KIF26B: variants seen among roughly 807,000 people sequenced by gnomAD.
KIF26B encodes the protein kinesin-like protein KIF26B.
Under a neutral mutation model 151.2 loss-of-function variants are expected in KIF26B, and 63 were observed. That is an observed-to-expected ratio of 0.42 (90% CI 0.34 to 0.51). KIF26B has a LOEUF of 0.51. Ranked by LOEUF, KIF26B falls within the 20% of genes least tolerant of loss-of-function variation. The probability of loss-of-function intolerance (pLI) is 0.07; values close to 1 mark genes in which losing one functional copy is unlikely to be tolerated. For missense variants in KIF26B, 2,813 were observed against 2,913.6 expected (o/e 0.97, Z 0.79); for synonymous variants, 1,357 against 1,262.1 (o/e 1.08, Z -1.59).
At position 245,167,210 on chromosome 1, in the gene KIF26B, G is replaced by C. The variant is rs1480913289; in HGVS notation, c.465+10527G>C. On this transcript the variant is annotated intron_variant, in intron 2 of 14. Coordinates refer to ENST00000407071, the MANE Select transcript of KIF26B (RefSeq NM_018012.4). The surrounding 1 kb of genome is among the most constrained non-coding windows in gnomAD (Gnocchi z 4.2). ...TGTTTTTTTTTTTGCTTGAAAGCATGAGCTGCAAATAATAAATTAAAATCC... is the reference window on the plus strand; with the variant it reads ...TGTTTTTTTTTTTGCTTGAAAGCATCAGCTGCAAATAATAAATTAAAATCC... 1.3e-5 allele frequency among the ~76,000 whole-genome samples: 2 copies of C among 151,494 alleles called. No individual in the cohort carries two copies. The highest frequency in any genetic ancestry group is 2.9e-5 in the Non-Finnish European group (2 of 67,940).
chr1:245,409,710 T>G (rs556356876), intron 3 of KIF26B, among the ~76,000 whole-genome samples: 12 of 152,240 alleles, frequency 7.9e-5, no homozygotes, highest in Admixed American at 7.8e-4. Context: ...CATCCTGGCC[T>G]GGGGTGCTGG....
intron 2 of KIF26B, among the ~76,000 whole-genome samples, chr1:245,337,134 T>TTTTATTTATTTA (rs59391704): frequency 6.8e-6 from 1 of 148,138 alleles, no homozygotes; most frequent in Non-Finnish European, 1.5e-5. Context: ...CATTTAGAAG[T>TTTTATTTATTTA]TTTATTTATT....
Position 245,324,102 on chromosome 1 carries a change from A to G in KIF26B, c.466-42732A>G, listed in dbSNP as rs12741226. On this transcript the variant is annotated intron_variant, in intron 2 of 14. Transcript: ENST00000407071. ...GGGGTGGGCCCTGCCATGGGTGGTG[A>G]GAGGTAGAGTTGGTGTGGACTCTGC... Among the ~76,000 whole-genome samples the G allele has an allele frequency of 8.6e-3, 508 of 59,132 alleles. 9 individuals are homozygous for G. Among genetic ancestry groups the G allele is most frequent in the African/African-American group, 0.027 (392 of 14,686 alleles). 38.8% of individuals were successfully genotyped at this position (59,132 alleles called of 152,430 possible). A position where few individuals can be genotyped will look rare whatever the true frequency, so the allele number is the denominator to read the frequency against.
At chr1:245,189,479 G>A (rs1669057105) in intron 2 of KIF26B, among the ~76,000 whole-genome samples, 1 of 152,184 alleles carries the variant, frequency 6.6e-6, no homozygotes, top group South Asian at 2.1e-4. Flanking sequence ...AAGAAGCAAT[G>A]TTTACAGACG....
At chr1:245,364,435 T>C (rs1269236987) in intron 2 of KIF26B, among the ~76,000 whole-genome samples, 3 of 147,318 alleles carry the variant, frequency 2.0e-5, no homozygotes, top group African/African-American at 5.0e-5. Flanking sequence ...TTTTTTTTTT[T>C]TTTTTTTTTT....
In KIF26B at chr1:245,612,101, TGTGTGA is replaced by T. The variant is rs878905761; in HGVS notation, c.2098+127_2098+132del. 1,878 of 497,668 alleles carry T rather than the reference TGTGTGA, an allele frequency of 3.8e-3. 4 individuals carry two copies. The highest frequency in any genetic ancestry group is 0.013 in the African/African-American group (584 of 44,014). 30.8% of individuals were successfully genotyped at this position (497,668 alleles called of 1,614,324 possible). ...GTGTGTGTGTGTGTGTGTGTGTGTG[TGTGTGA>T]GAGAGAGAGAGAGAGAGAGAGAGAC... On this transcript the variant is annotated intron_variant, in intron 9 of 14. Transcript: ENST00000407071.
intron 2 of KIF26B, among the ~76,000 whole-genome samples, chr1:245,338,854 A>G (rs1672283817): frequency 6.6e-6 from 1 of 152,182 alleles, no homozygotes; most frequent in South Asian, 2.1e-4. Context: ...ATAAGATCCT[A>G]GCAGTCAGAA....
chr1:245,311,929 C>A (rs1405149636), intron 2 of KIF26B, among the ~76,000 whole-genome samples: 1 of 152,216 alleles, frequency 6.6e-6, no homozygotes, highest in Non-Finnish European at 1.5e-5. Context: ...GACTCCATCT[C>A]AGAAAAAGAA....
intron 2 of KIF26B, among the ~76,000 whole-genome samples, chr1:245,338,545 T>C (rs1424791359): frequency 2.0e-5 from 3 of 152,240 alleles, no homozygotes; most frequent in Non-Finnish European, 4.4e-5. Flanking sequence ...TTGCACGCAT[T>C]ACCAAGTGAT....
At chr1:245,303,392 GT>G (rs1245570695) in intron 2 of KIF26B, among the ~76,000 whole-genome samples, 2 of 150,746 alleles carry the variant, frequency 1.3e-5, no homozygotes, top group Non-Finnish European at 1.5e-5. Flanking sequence ...TAGAGACGGG[GT>G]TTCACCGTGT....
chr1:245,301,167 G>A (rs1671422963), intron 2 of KIF26B, among the ~76,000 whole-genome samples: 1 of 152,156 alleles, frequency 6.6e-6, no homozygotes, highest in Non-Finnish European at 1.5e-5. Context: ...TGAAATGACA[G>A]CGGATGGCCA....
intron 2 of KIF26B, among the ~76,000 whole-genome samples, chr1:245,310,239 A>G (rs778351652): frequency 1.3e-5 from 2 of 151,954 alleles, no homozygotes; most frequent in South Asian, 2.1e-4. Flanking sequence ...CAAACATTCC[A>G]TATGCCAAGA....
intron 10 of KIF26B, among the ~76,000 whole-genome samples, chr1:245,647,200 T>C (rs577366686): frequency 1.1e-4 from 16 of 151,398 alleles, no homozygotes; most frequent in Non-Finnish European, 1.6e-4. Context: ...CCGAGGCGGG[T>C]GGATCACAAG....
chr1:245,527,852 A>G (rs1414512116), intron 4 of KIF26B, among the ~76,000 whole-genome samples: 1 of 151,980 alleles, frequency 6.6e-6, no homozygotes. Context: ...TTTTTAATGC[A>G]TGTTTAAATG....
chr1:245,207,223 T>C (rs1245843739), intron 2 of KIF26B, among the ~76,000 whole-genome samples: 1 of 152,066 alleles, frequency 6.6e-6, no homozygotes, highest in Non-Finnish European at 1.5e-5. Context: ...AAAAAAGAGA[T>C]TTCTCAGCAA....
chr1:245,687,963 G>A lies in KIF26B; in HGVS notation c.4980G>A (p.Glu1660=), dbSNP rs2044556900. 1.9e-6 allele frequency: 3 copies of A among 1,587,528 alleles called. No homozygotes were observed. The highest frequency in any genetic ancestry group is 1.7e-4 in the Middle Eastern group (1 of 6,050). ...SSSKLFSAKL[E]QLASRSNSLG... The stretch of plus-strand genomic sequence containing the variant: ...GCAAGCTCTTCAGTGCCAAGCTGGA[G>A]CAGCTGGCCAGCAGAAGCAACTCGC... Residue 1660 remains glutamate, a synonymous_variant, in exon 12 of 15, where the codon GAG becomes GAA. Transcript: ENST00000407071. The surrounding 1 kb of genome is among the most constrained non-coding windows in gnomAD (Gnocchi z 4.9).
chr1:245,575,840 A>G (rs1346533248), intron 5 of KIF26B, among the ~76,000 whole-genome samples: 1 of 152,100 alleles, frequency 6.6e-6, no homozygotes, highest in Non-Finnish European at 1.5e-5. Flanking sequence ...TTCATGAATG[A>G]CTTCTTGAAC....
chr1:245,547,002 G>A (rs943387401), intron 5 of KIF26B, among the ~76,000 whole-genome samples: 2 of 152,348 alleles, frequency 1.3e-5, no homozygotes, highest in Middle Eastern at 3.4e-3. Flanking sequence ...AATCTTCGCG[G>A]TTTCTTTTTT....
chr1:245,604,322 G>C (rs2043427194), intron 6 of KIF26B, among the ~76,000 whole-genome samples: 1 of 152,160 alleles, frequency 6.6e-6, no homozygotes, highest in Non-Finnish European at 1.5e-5. Context: ...GAGTAGAGGA[G>C]GTGGCGATGT....
Sources: allele counts gnomAD v4.1 joint callset (sites outside exome capture counted in the v4.1 genomes callset), GRCh38; gene constraint gnomAD v4.1.1; non-coding constraint Gnocchi (gnomAD v3.1); transcripts MANE v1.5; gene names NCBI Gene and HGNC (gene_info 2026-07-23, HGNC 2026-07-21).